Variants in PDE4B observed in about 807,000 individuals in gnomAD.
PDE4B encodes 3',5'-cyclic-AMP phosphodiesterase 4B.
Under a neutral mutation model 82.2 loss-of-function variants are expected in PDE4B, and 20 were observed. The ratio of observed to expected loss-of-function variants is 0.24; its 90% CI spans 0.17 to 0.35. The LOEUF (loss-of-function observed/expected upper bound fraction) is 0.35. Ranked by LOEUF, PDE4B falls within the 10% of genes least tolerant of loss-of-function variation. PDE4B has a pLI of 1.00. For missense variants in PDE4B, 655 were observed against 907.2 expected, an observed-to-expected ratio of 0.72 and a Z score of 3.57; for synonymous variants, 320 against 318.9, an observed-to-expected ratio of 1.00 and a Z score of -0.04.
intron 7 of PDE4B, among the ~76,000 whole-genome samples, chr1:66,292,333 T>A (rs999841792): frequency 6.6e-6 from 1 of 152,176 alleles, no homozygotes; most frequent in African/African-American, 2.4e-5. Flanking sequence ...TAGCCCCATT[T>A]TGAAGATAAA....
At chr1:65,916,765 C>A (rs574962659) in intron 2 of PDE4B, among the ~76,000 whole-genome samples, 1 of 151,946 alleles carries the variant, frequency 6.6e-6, no homozygotes, top group Non-Finnish European at 1.5e-5. Context: ...CACATGCACA[C>A]ACACATACAC....
At chr1:65,938,934 A>C (rs954139416) in intron 3 of PDE4B, among the ~76,000 whole-genome samples, 4 of 152,166 alleles carry the variant, frequency 2.6e-5, no homozygotes, top group African/African-American at 9.7e-5. Flanking sequence ...TCACTTTGAT[A>C]GCAGTATGGA....
intron 3 of PDE4B, among the ~76,000 whole-genome samples, chr1:66,105,279 G>A (rs1645323586): frequency 6.7e-6 from 1 of 148,766 alleles, no homozygotes; most frequent in Admixed American, 6.8e-5. Context: ...TGAGGGCTCT[G>A]TTCTATTCCA....
At chr1:66,028,822 C>G (rs1219894813) in intron 3 of PDE4B, among the ~76,000 whole-genome samples, 1 of 152,148 alleles carries the variant, frequency 6.6e-6, no homozygotes, top group African/African-American at 2.4e-5. Flanking sequence ...CATCTGAGAC[C>G]ACCTCAGCCT....
intron 3 of PDE4B, among the ~76,000 whole-genome samples, chr1:66,090,950 A>G (rs1162820766): frequency 6.6e-6 from 1 of 151,940 alleles, no homozygotes; most frequent in Non-Finnish European, 1.5e-5. Context: ...TTGAGATGAC[A>G]GTAGCTGTCA....
intron 3 of PDE4B, among the ~76,000 whole-genome samples, chr1:66,035,214 T>C (rs932092343): frequency 2.0e-5 from 3 of 152,206 alleles, no homozygotes; most frequent in Admixed American, 6.5e-5. Context: ...ATAGTAATTG[T>C]GTATATTTAT....
Position 66,374,431 on chromosome 1 carries a change from A to G in PDE4B, c.*1753A>G, listed in dbSNP as rs1472751017. On this transcript the variant is annotated 3_prime_UTR_variant, in exon 17 of 17. Coordinates refer to ENST00000341517, the MANE Select transcript of PDE4B (RefSeq NM_002600.4). ...AAATGTGCATGACCAATGTATGTCT[A>G]TGAACACTGCATTGTTTCAGGTGGA... 1 of 152,690 alleles carries G rather than the reference A, an allele frequency of 6.5e-6. No homozygotes were observed. Among genetic ancestry groups the G allele is most frequent in the East Asian group, 1.9e-4 (1 of 5,206 alleles). 9.5% of individuals were successfully genotyped at this position (152,690 alleles called of 1,614,324 possible). A position where few individuals can be genotyped will look rare whatever the true frequency, so the allele number is the denominator to read the frequency against.
intron 3 of PDE4B, among the ~76,000 whole-genome samples, chr1:66,236,348 T>C (rs1401576039): frequency 2.0e-5 from 3 of 152,212 alleles, no homozygotes; most frequent in East Asian, 3.8e-4. Flanking sequence ...AGTTTACTTC[T>C]ACATATGTCA....
intron 7 of PDE4B, among the ~76,000 whole-genome samples, chr1:66,308,989 A>G (rs1357977624): frequency 1.3e-5 from 2 of 152,222 alleles, no homozygotes; most frequent in African/African-American, 4.8e-5. Context: ...CAATTTACAC[A>G]TACATTGTCG....
intron 3 of PDE4B, among the ~76,000 whole-genome samples, chr1:65,947,539 CT>C (rs1648775992): frequency 6.6e-6 from 1 of 151,898 alleles, no homozygotes. Flanking sequence ...TGAATGTGAC[CT>C]TGTTTAGAAA....
intron 8 of PDE4B, among the ~76,000 whole-genome samples, chr1:66,344,611 T>C (rs940801705): frequency 6.6e-6 from 1 of 152,190 alleles, no homozygotes; most frequent in Non-Finnish European, 1.5e-5. Flanking sequence ...AGAAGAACTT[T>C]GTCAAAAATA....
chr1:66,310,020 G>A (rs983534045), intron 7 of PDE4B, among the ~76,000 whole-genome samples: 45 of 152,198 alleles, frequency 3.0e-4, no homozygotes, highest in African/African-American at 1.0e-3. Context: ...TGGAACCTTG[G>A]TAGCTTACAT....
intron 3 of PDE4B, among the ~76,000 whole-genome samples, chr1:65,958,817 T>G (rs1649399761): frequency 6.6e-6 from 1 of 152,162 alleles, no homozygotes; most frequent in Admixed American, 6.6e-5. Flanking sequence ...CTTTTTAACC[T>G]GTTTTATCTG....
intron 16 of PDE4B, among the ~76,000 whole-genome samples, chr1:66,370,535 T>C (rs2050711192): frequency 6.6e-6 from 1 of 152,124 alleles, no homozygotes; most frequent in South Asian, 2.1e-4. Context: ...GGTCTTCCTG[T>C]TGCCATGACA....
intron 3 of PDE4B, among the ~76,000 whole-genome samples, chr1:65,956,804 A>G (rs1649286140): frequency 6.6e-6 from 1 of 152,130 alleles, no homozygotes; most frequent in East Asian, 1.9e-4. Context: ...CTTAGAGGGT[A>G]TGCTCAGCTT....
At chr1:65,931,176 C>T (rs1361880421) in intron 3 of PDE4B, among the ~76,000 whole-genome samples, 3 of 152,196 alleles carry the variant, frequency 2.0e-5, no homozygotes, top group Non-Finnish European at 2.9e-5. Flanking sequence ...CTAACTGCCT[C>T]CTCTTTTCCT....
chr1:66,114,218 C>G lies in PDE4B; in HGVS notation c.282-133242C>G, dbSNP rs192986993. 5.3e-5 allele frequency among the ~76,000 whole-genome samples: 8 copies of G among 152,208 alleles called. No homozygotes were observed. The South Asian group carries it at 8.3e-4, about 16-fold the overall frequency. On this transcript the variant is annotated intron_variant, in intron 3 of 16. Coordinates refer to ENST00000341517, the MANE Select transcript of PDE4B (RefSeq NM_002600.4). ...TCACCAGAAACCAAATTAGCCAGCACCTTGATCTCGGACTTCACAACCTCC... is the reference window on the plus strand; with the variant it reads ...TCACCAGAAACCAAATTAGCCAGCAGCTTGATCTCGGACTTCACAACCTCC...
chr1:65,799,816 G>C (rs6701146), intron 1 of PDE4B, among the ~76,000 whole-genome samples: 85,686 of 151,960 alleles, frequency 0.56, 26,843 homozygotes, highest in East Asian at 0.92. Flanking sequence ...TACAAACAGG[G>C]AACTCAGCCC....
chr1:66,076,387 A>G (rs529528987), intron 3 of PDE4B, among the ~76,000 whole-genome samples: 3 of 152,226 alleles, frequency 2.0e-5, no homozygotes, highest in African/African-American at 7.2e-5. Flanking sequence ...ATAATTTTCC[A>G]TCGTTATATG....
Sources: gnomAD v4.1 joint callset for allele counts (sites outside exome capture counted in the v4.1 genomes callset) on GRCh38, gnomAD v4.1.1 for gene constraint, MANE v1.5 for transcripts, NCBI Gene and HGNC (gene_info 2026-07-23, HGNC 2026-07-21) for gene names.